The following SRPK2 variants were observed in gnomAD, a reference collection of about 807,000 sequenced individuals.
SRPK2 encodes the protein SFRS protein kinase 2.
Under a neutral mutation model 90.8 loss-of-function variants are expected in SRPK2, and 21 were observed. The observed-to-expected ratio is 0.23, with a 90% confidence interval of 0.16 to 0.33. The LOEUF (loss-of-function observed/expected upper bound fraction) is 0.33, where lower values mean the gene tolerates loss of function less well. SRPK2 is among the 10% of genes least tolerant of loss of function. SRPK2 has a pLI of 1.00. For missense variants in SRPK2, 620 were observed against 869.0 expected, an observed-to-expected ratio of 0.71 and a Z score of 3.60; for synonymous variants, 288 against 311.1, an observed-to-expected ratio of 0.93 and a Z score of 0.78.
intron 2 of SRPK2, among the ~76,000 whole-genome samples, chr7:105,385,187 T>TC (rs1821408522): frequency 1.0e-5 from 1 of 95,288 alleles, no homozygotes; most frequent in Non-Finnish European, 2.3e-5. Flanking sequence ...TTTTTTTTTT[T>TC]TTTTTTTTTT....
At chr7:105,276,569 C>G (rs534821970) in intron 2 of SRPK2, among the ~76,000 whole-genome samples, 84 of 149,572 alleles carry the variant, frequency 5.6e-4, no homozygotes, top group African/African-American at 1.9e-3. Context: ...GAGACTTCAT[C>G]TCTTAAAAAA....
intron 2 of SRPK2, among the ~76,000 whole-genome samples, chr7:105,281,001 A>G (rs991273700): frequency 2.1e-5 from 3 of 145,752 alleles, no homozygotes; most frequent in African/African-American, 5.0e-5. Context: ...TTTATAAGGC[A>G]TAAGAGTTAG....
intron 2 of SRPK2, among the ~76,000 whole-genome samples, chr7:105,375,983 CTTTTTT>C (rs34445430): frequency 0.015 from 915 of 63,092 alleles, 1 homozygote; most frequent in African/African-American, 0.037. Context: ...GAATTCATTT[CTTTTTT>C]TTTTTTTTTT....
Position 105,170,745 on chromosome 7 carries a change from G to GAGGGAGGAAGGAAGGAAGGAAGGA in SRPK2, c.230-1481_230-1480insTCCTTCCTTCCTTCCTTCCTCCCT, listed in dbSNP as rs1554435222. ...GAAAAGGAAAGAAAGGGAAGAAAGG[G>GAGGGAGGAAGGAAGGAAGGAAGGA]AGGAAGGAAGGAAGGAAGGAAGGAA... On this transcript the variant is annotated intron_variant, in intron 3 of 15. Coordinates refer to ENST00000393651, the MANE Select transcript of SRPK2 (RefSeq NM_182692.3). 6.6e-5 allele frequency among the ~76,000 whole-genome samples: 3 copies of GAGGGAGGAAGGAAGGAAGGAAGGA among 45,602 alleles called. 1 individual carries two copies. Among genetic ancestry groups the GAGGGAGGAAGGAAGGAAGGAAGGA allele is most frequent in the South Asian group, 9.5e-4 (1 of 1,052 alleles). 29.9% of individuals were successfully genotyped at this position (45,602 alleles called of 152,430 possible).
chr7:105,296,169 A>T (rs1809791364), intron 2 of SRPK2, among the ~76,000 whole-genome samples: 1 of 152,234 alleles, frequency 6.6e-6, no homozygotes, highest in African/African-American at 2.4e-5. Flanking sequence ...GCTTTTCAAC[A>T]GGCATCTTCA....
intron 2 of SRPK2, among the ~76,000 whole-genome samples, chr7:105,260,346 C>G (rs1804035910): frequency 6.6e-6 from 1 of 152,288 alleles, no homozygotes; most frequent in South Asian, 2.1e-4. Context: ...CCATCTCACA[C>G]CAGTTAGAAT....
chr7:105,290,795 T>G (rs1341500088), intron 2 of SRPK2, among the ~76,000 whole-genome samples: 4 of 151,564 alleles, frequency 2.6e-5, no homozygotes, highest in African/African-American at 9.7e-5. Flanking sequence ...TCCCAGCACT[T>G]TGGGAGGCCG....
intron 2 of SRPK2, chr7:105,205,904 TA>T (rs765690099): frequency 2.0e-6 from 1 of 512,596 alleles, no homozygotes; most frequent in Non-Finnish European, 3.9e-6. Context: ...AAACTTTATA[TA>T]AAAAATGAGT....
At chr7:105,218,765 C>T (rs2129614903) in intron 2 of SRPK2, among the ~76,000 whole-genome samples, 1 of 152,160 alleles carries the variant, frequency 6.6e-6, no homozygotes, top group East Asian at 1.9e-4. Flanking sequence ...CTCAGAAAAG[C>T]ATGCCTAAGG....
chr7:105,358,946 A>G (rs1228986420), intron 2 of SRPK2, among the ~76,000 whole-genome samples: 1 of 151,740 alleles, frequency 6.6e-6, no homozygotes, highest in Non-Finnish European at 1.5e-5. Context: ...AGAGAGAGAG[A>G]GAAAGCAAGA....
At chr7:105,376,016 CAG>C (rs1223405211) in intron 2 of SRPK2, among the ~76,000 whole-genome samples, 1 of 71,246 alleles carries the variant, frequency 1.4e-5, no homozygotes, top group Non-Finnish European at 2.5e-5. Context: ...TTTTTTGAGA[CAG>C]AGTCTCTGTC....
chr7:105,122,029 T>C (rs1800455975), intron 15 of SRPK2, among the ~76,000 whole-genome samples: 1 of 152,044 alleles, frequency 6.6e-6, no homozygotes, highest in Non-Finnish European at 1.5e-5. Context: ...TACCAAGAAA[T>C]ACCAATACAA....
In SRPK2 at chr7:105,388,863, C is replaced by G. The variant is rs903885137; in HGVS notation, c.-57G>C. 1.4e-5 allele frequency: 18 copies of G among 1,306,398 alleles called. No homozygotes were observed. Among genetic ancestry groups the G allele is most frequent in the Middle Eastern group, 2.9e-4 (1 of 3,464 alleles). The allele number at this position is 1,306,398 out of a possible 1,614,324, so 80.9% of individuals were successfully genotyped here. On this transcript the variant is annotated 5_prime_UTR_variant, in exon 1 of 16. Coordinates refer to ENST00000393651, the MANE Select transcript of SRPK2 (RefSeq NM_182692.3). ...CGCGACGGCGACGCGGGCGCCGAGA[C>G]GAGCTGGGCTGCAGCCTCCACTCGC...
chr7:105,249,963 A>G (rs1034582411), intron 2 of SRPK2, among the ~76,000 whole-genome samples: 1 of 152,208 alleles, frequency 6.6e-6, no homozygotes, highest in African/African-American at 2.4e-5. Flanking sequence ...TTCTCATATG[A>G]GCTCTTGTTG....
chr7:105,273,023 G>C (rs562275900), intron 2 of SRPK2, among the ~76,000 whole-genome samples: 1 of 152,086 alleles, frequency 6.6e-6, no homozygotes, highest in East Asian at 1.9e-4. Flanking sequence ...AGACCATCCT[G>C]GCTAACATGG....
intron 2 of SRPK2, among the ~76,000 whole-genome samples, chr7:105,349,007 G>A (rs1272666039): frequency 1.3e-5 from 2 of 151,200 alleles, no homozygotes; most frequent in Non-Finnish European, 2.9e-5. Flanking sequence ...TTAGCCGGGC[G>A]TGGTGGCGCT....
At chr7:105,273,851 T>TA (rs932194867) in intron 2 of SRPK2, among the ~76,000 whole-genome samples, 3 of 152,216 alleles carry the variant, frequency 2.0e-5, no homozygotes, top group African/African-American at 7.2e-5. Context: ...AATCTAATGT[T>TA]AGTTACAATT....
chr7:105,304,409 G>A (rs1350035310), intron 2 of SRPK2: 3 of 152,216 alleles, frequency 2.0e-5, no homozygotes, highest in African/African-American at 7.2e-5. Flanking sequence ...AAGACCTTGG[G>A]GTACAATGGC....
Position 105,297,557 on chromosome 7 carries a change from T to C in SRPK2, c.71+91091A>G, listed in dbSNP as rs1001120599. Reference sequence around the variant, plus strand: ...TCCTATAAAAGATAAGGCACACCGTTTACCATTTTAGACATACAGAAGGTC... The same window carrying C: ...TCCTATAAAAGATAAGGCACACCGTCTACCATTTTAGACATACAGAAGGTC... On this transcript the variant is annotated intron_variant, in intron 2 of 15. Coordinates refer to ENST00000393651, the MANE Select transcript of SRPK2 (RefSeq NM_182692.3). 27 of 947,890 alleles carry C rather than the reference T, an allele frequency of 2.8e-5. No individual in the cohort carries two copies. In the African/African-American group the frequency reaches 4.4e-4, roughly 16 times the overall value. 58.7% of individuals were successfully genotyped at this position (947,890 alleles called of 1,614,324 possible).
Sources: allele counts gnomAD v4.1 joint callset (sites outside exome capture counted in the v4.1 genomes callset), GRCh38; gene constraint gnomAD v4.1.1; transcripts MANE v1.5; gene names NCBI Gene and HGNC (gene_info 2026-07-23, HGNC 2026-07-21).